Variants in UGT1A10 observed in about 807,000 individuals in gnomAD.
UGT1A10 encodes the protein UDP-glucuronosyltransferase 1A10.
UGT1A10 carries 49 observed loss-of-function variants against 45.8 expected under a neutral mutation model. That is an observed-to-expected ratio of 1.07 (90% CI 0.85 to 1.36). UGT1A10 has a LOEUF of 1.36. Ranked by LOEUF, UGT1A10 falls within the 40% of genes most tolerant of loss-of-function variation. The pLI is 0.00. For missense variants in UGT1A10, 745 were observed against 668.6 expected (o/e 1.11, Z -1.26); for synonymous variants, 284 against 249.7 (o/e 1.14, Z -1.29).
chr2:233,748,025 C>T, intron 1 of UGT1A10: 1 of 1,613,520 alleles, frequency 6.2e-7, no homozygotes, highest in Non-Finnish European at 8.5e-7. Flanking sequence ...CGATCATGCC[C>T]AACATGGTCT....
intron 1 of UGT1A10, among the ~76,000 whole-genome samples, chr2:233,683,912 A>G (rs1484697357): frequency 6.6e-6 from 1 of 152,200 alleles, no homozygotes; most frequent in African/African-American, 2.4e-5. Context: ...GGCGGAGCAT[A>G]TAGTTCCAAA....
chr2:233,729,883 T>G (rs1220265805), intron 1 of UGT1A10: 1 of 1,613,824 alleles, frequency 6.2e-7, no homozygotes, highest in Non-Finnish European at 8.5e-7. Flanking sequence ...CAGTCATGCA[T>G]CTGTGTGGCT....
At chr2:233,650,046 C>T (rs760091970) in intron 1 of UGT1A10, among the ~76,000 whole-genome samples, 2 of 152,192 alleles carry the variant, frequency 1.3e-5, no homozygotes, top group Non-Finnish European at 2.9e-5. Context: ...TCTTGGCTCA[C>T]CACAACCTCT....
chr2:233,750,083 G>A lies in UGT1A10; in HGVS notation c.856-16951G>A, dbSNP rs773064536. ...TGGAACTGGGTAACAGGCAGAGGTT[G>A]GAACAGTTTGGAGAGCTCAGAAGAA... is the stretch of plus-strand genomic sequence containing the variant. On this transcript the variant is annotated intron_variant, in intron 1 of 4. Transcript: ENST00000344644. Among the ~76,000 whole-genome samples the A allele has an allele frequency of 4.8e-4, 73 of 151,992 alleles. 1 individual carries two copies. The highest frequency in any genetic ancestry group is 9.7e-4 in the Non-Finnish European group (66 of 68,038).
At chr2:233,639,601 T>C (rs1333992905) in intron 1 of UGT1A10, among the ~76,000 whole-genome samples, 1 of 152,024 alleles carries the variant, frequency 6.6e-6, no homozygotes, top group Non-Finnish European at 1.5e-5. Flanking sequence ...TGCACATGTA[T>C]GTGTTTGTGT....
rs376650980 is a variant in UGT1A10, at chr2:233,751,304, T to C, written c.856-15730T>C. ...TTCTCCCATTTGGAATGGGAATATTTACCCAATTTCTGTACCCCCATTGTG... is the reference window on the plus strand; with the variant it reads ...TTCTCCCATTTGGAATGGGAATATTCACCCAATTTCTGTACCCCCATTGTG... On this transcript the variant is annotated intron_variant, in intron 1 of 4. Transcript: ENST00000344644. Among the ~76,000 whole-genome samples, 29 of 152,116 alleles carry C rather than the reference T, an allele frequency of 1.9e-4. No individual in the cohort carries two copies. The South Asian group carries it at 2.7e-3, about 14-fold the overall frequency.
intron 1 of UGT1A10, among the ~76,000 whole-genome samples, 193 bp downstream of exon 1, chr2:233,637,570 T>C (rs1335044042): frequency 6.6e-6 from 1 of 152,212 alleles, no homozygotes; most frequent in Non-Finnish European, 1.5e-5. Context: ...CTTGAAAGTA[T>C]ATGTAATAAT....
rs28900381 is a variant in UGT1A10 at position 233,747,569 on chromosome 2, T to A, written c.856-19465T>A. The A allele has an allele frequency of 1.9e-3, 2,961 of 1,591,598 alleles. 126 individuals are homozygous for A. The African/African-American group carries it at 0.036, about 19-fold the overall frequency. Reference sequence around the variant, plus strand: ...CTAAAAGTATGGCAATTTTGAAAAATTCATCTTTGGTCTTTCATAGGTCTT... The same window carrying A: ...CTAAAAGTATGGCAATTTTGAAAAAATCATCTTTGGTCTTTCATAGGTCTT... On this transcript the variant is annotated intron_variant, in intron 1 of 4. Transcript: ENST00000344644.
chr2:233,742,523 T>A (rs1692010019), intron 1 of UGT1A10, among the ~76,000 whole-genome samples: 1 of 151,942 alleles, frequency 6.6e-6, no homozygotes, highest in Non-Finnish European at 1.5e-5. Context: ...GTCACAGTGC[T>A]GCAGAGATTT....
chr2:233,679,269 A>G (rs1364444069), intron 1 of UGT1A10, among the ~76,000 whole-genome samples: 2 of 152,242 alleles, frequency 1.3e-5, no homozygotes, highest in Non-Finnish European at 2.9e-5. Context: ...CCTTGCTGGC[A>G]ATGCATTTTC....
intron 1 of UGT1A10, among the ~76,000 whole-genome samples, chr2:233,706,826 G>A (rs1466880885): frequency 6.6e-6 from 1 of 152,170 alleles, no homozygotes; most frequent in African/African-American, 2.4e-5. Context: ...CCCAGGGCAG[G>A]ACTCTAAACA....
chr2:233,645,099 A>G (rs1468846201), intron 1 of UGT1A10, among the ~76,000 whole-genome samples: 2 of 152,204 alleles, frequency 1.3e-5, no homozygotes, highest in Non-Finnish European at 2.9e-5. Context: ...ACTTTAAAAA[A>G]CAATCCCTTA....
chr2:233,673,048 G>T (rs2074249106), intron 1 of UGT1A10, among the ~76,000 whole-genome samples: 1 of 152,112 alleles, frequency 6.6e-6, no homozygotes, highest in South Asian at 2.1e-4. Flanking sequence ...GTTTAGAAAA[G>T]TACCAAAAAC....
chr2:233,749,673 G>A (rs1300627499), intron 1 of UGT1A10, among the ~76,000 whole-genome samples: 14 of 151,746 alleles, frequency 9.2e-5, no homozygotes, highest in African/African-American at 1.7e-4. Context: ...TAATCCCCAC[G>A]TGTCAAGGAC....
intron 1 of UGT1A10, among the ~76,000 whole-genome samples, chr2:233,639,538 A>T (rs1372840620): frequency 6.6e-6 from 1 of 152,206 alleles, no homozygotes; most frequent in Non-Finnish European, 1.5e-5. Flanking sequence ...TCAGAGTCTG[A>T]GTCTCATCTG....
rs563709972 is a variant in UGT1A10, at chr2:233,755,474, T to C, written c.856-11560T>C. On this transcript the variant is annotated intron_variant, in intron 1 of 4. Coordinates refer to ENST00000344644, the MANE Select transcript of UGT1A10 (RefSeq NM_019075.4). ...GGACTGGCCCTGCTCTCTGTGAGGCTCTGTGAGGCCCTGTGATGCTCCAAG... is the reference window on the plus strand; with the variant it reads ...GGACTGGCCCTGCTCTCTGTGAGGCCCTGTGAGGCCCTGTGATGCTCCAAG... 5.5e-5 allele frequency: 13 copies of C among 237,114 alleles called. 1 individual carries two copies. The South Asian group carries it at 7.1e-4, about 13-fold the overall frequency. The allele number at this position is 237,114 out of a possible 1,614,324, so 14.7% of individuals were successfully genotyped here.
At chr2:233,677,390 G>T (rs28970015) in intron 1 of UGT1A10, among the ~76,000 whole-genome samples, 3,115 of 152,204 alleles carry the variant, frequency 0.02, 108 homozygotes, top group African/African-American at 0.071. Context: ...TAGAAAATCC[G>T]CATAGAACTT....
chr2:233,690,705 G>T (rs563167001), intron 1 of UGT1A10: 10 of 1,228,730 alleles, frequency 8.1e-6, no homozygotes, highest in Non-Finnish European at 1.0e-5. Context: ...TTTAGGGATC[G>T]TCATTATGAC....
At chr2:233,637,931 A>G (rs564859665) in intron 1 of UGT1A10, among the ~76,000 whole-genome samples, 1 of 152,310 alleles carries the variant, frequency 6.6e-6, no homozygotes, top group South Asian at 2.1e-4. Flanking sequence ...AAAATTCTTT[A>G]CTTTGGATAC....
Sources: gnomAD v4.1 joint callset for allele counts (sites outside exome capture counted in the v4.1 genomes callset) on GRCh38, gnomAD v4.1.1 for gene constraint, MANE v1.5 for transcripts, NCBI Gene and HGNC (gene_info 2026-07-23, HGNC 2026-07-21) for gene names.